Variants in NALCN observed in about 807,000 individuals in gnomAD.
NALCN encodes sodium leak channel NALCN.
Under a neutral mutation model 225.3 loss-of-function variants are expected in NALCN, and 111 were observed. The ratio of observed to expected loss-of-function variants is 0.49; its 90% CI spans 0.42 to 0.58. The LOEUF is 0.58. Among genes scored for constraint, NALCN ranks in the 20% least tolerant of loss-of-function variants. The pLI is 0.00. For synonymous variants in NALCN, 764 were observed against 769.0 expected (o/e 0.99, Z 0.11); for missense variants, 1,378 against 2,202.4 (o/e 0.63, Z 7.49).
intron 3 of NALCN, among the ~76,000 whole-genome samples, chr13:101,382,744 A>C (rs1464107985): frequency 6.6e-6 from 1 of 152,206 alleles, no homozygotes; most frequent in Non-Finnish European, 1.5e-5. Context: ...CAAAAATTCT[A>C]CCATGTAATG....
At chr13:101,375,873 G>A (rs2046674702) in intron 6 of NALCN, among the ~76,000 whole-genome samples, 1 of 151,962 alleles carries the variant, frequency 6.6e-6, no homozygotes, top group South Asian at 2.1e-4. Flanking sequence ...ACACCTAATG[G>A]GACACTTCTG....
At chr13:101,084,772 A>G (rs1448649958) in intron 30 of NALCN, among the ~76,000 whole-genome samples, 2 of 152,210 alleles carry the variant, frequency 1.3e-5, no homozygotes, top group Admixed American at 1.3e-4. Flanking sequence ...GCATCCATGT[A>G]CTGTCTCACA....
At chr13:101,247,310 T>C (rs764900060) in intron 11 of NALCN, among the ~76,000 whole-genome samples, 10 of 152,150 alleles carry the variant, frequency 6.6e-5, no homozygotes, top group Non-Finnish European at 1.5e-4. Context: ...TTATGGAATA[T>C]AGACTAGTGA....
At chr13:101,285,313 G>T (rs1015939751) in intron 9 of NALCN, among the ~76,000 whole-genome samples, 2 of 151,824 alleles carry the variant, frequency 1.3e-5, no homozygotes, top group Non-Finnish European at 2.9e-5. Context: ...ATTTATTTTT[G>T]GGGGGAGATA....
intron 11 of NALCN, among the ~76,000 whole-genome samples, chr13:101,252,068 T>G (rs533986725): frequency 2.0e-5 from 3 of 152,196 alleles, no homozygotes. Context: ...CTTTGATAAA[T>G]CATGTTATTG....
intron 3 of NALCN, among the ~76,000 whole-genome samples, chr13:101,385,608 A>C (rs1452640148): frequency 1.3e-5 from 2 of 152,222 alleles, no homozygotes; most frequent in Non-Finnish European, 2.9e-5. Flanking sequence ...ATTCTGCCAA[A>C]GGTATAGTGT....
intron 15 of NALCN, among the ~76,000 whole-genome samples, chr13:101,157,085 G>T (rs1379486935): frequency 1.3e-5 from 2 of 152,140 alleles, no homozygotes; most frequent in Non-Finnish European, 2.9e-5. Flanking sequence ...TCATGTCCCA[G>T]TAACAATCTA....
At chr13:101,095,435 C>A in intron 28 of NALCN, 139 bp downstream of exon 28, 2 of 612,004 alleles carry the variant, frequency 3.3e-6, no homozygotes, top group Admixed American at 3.5e-5. Flanking sequence ...TATAATCTAG[C>A]GCTTCGCCCT....
chr13:101,193,785 AT>A (rs768550327), intron 13 of NALCN, among the ~76,000 whole-genome samples: 2 of 151,846 alleles, frequency 1.3e-5, no homozygotes, highest in Non-Finnish European at 2.9e-5. Context: ...TTTTTCCTGT[AT>A]TTTTTTTCTC....
At position 101,273,817 on chromosome 13, in the gene NALCN, G is replaced by A. The variant is rs374358723; in HGVS notation, c.1134+10116C>T. ...GGAGAATGGCGTGAACCCAGGAGGC[G>A]GAGCTTTCAGTGAGCCAAGATCACG... On this transcript the variant is annotated intron_variant, in intron 10 of 43. Transcript: ENST00000251127. Among the ~76,000 whole-genome samples, 7 of 150,594 alleles carry A rather than the reference G, an allele frequency of 4.6e-5. No homozygotes were observed. The East Asian group carries it at 7.8e-4, about 17-fold the overall frequency.
intron 10 of NALCN, among the ~76,000 whole-genome samples, chr13:101,271,961 C>T (rs36231875): frequency 0.3 from 44,311 of 147,592 alleles, 7,368 homozygotes; most frequent in African/African-American, 0.47. Flanking sequence ...TGAGCATGTG[C>T]GTGTAGATAT....
chr13:101,282,482 T>C (rs998497477), intron 10 of NALCN, among the ~76,000 whole-genome samples: 34 of 152,138 alleles, frequency 2.2e-4, no homozygotes, highest in African/African-American at 8.2e-4. Context: ...GAGAGTAGGA[T>C]TGTGGTTACC....
At chr13:101,188,888 A>G (rs2139994542) in intron 14 of NALCN, among the ~76,000 whole-genome samples, 1 of 152,146 alleles carries the variant, frequency 6.6e-6, no homozygotes, top group Non-Finnish European at 1.5e-5. Context: ...GGGTTTCACC[A>G]TGTTGGCCAG....
intron 20 of NALCN, among the ~76,000 whole-genome samples, chr13:101,108,467 C>T (rs917011740): frequency 1.3e-4 from 20 of 152,184 alleles, no homozygotes; most frequent in Admixed American, 1.2e-3. Flanking sequence ...TTTAAAAAAT[C>T]ACAATGGGTG....
intron 6 of NALCN, among the ~76,000 whole-genome samples, chr13:101,360,597 C>A (rs199911177): frequency 6.6e-6 from 1 of 152,046 alleles, no homozygotes; most frequent in Non-Finnish European, 1.5e-5. Flanking sequence ...GATGTGAACA[C>A]GAAAAGTAAA....
rs576683443 is a variant in NALCN at position 101,179,215 on chromosome 13, C to A, written c.1765-2841G>T. Among the ~76,000 whole-genome samples the A allele has an allele frequency of 2.6e-5, 4 of 152,280 alleles. No individual in the cohort carries two copies. The East Asian group carries it at 5.8e-4, about 22-fold the overall frequency. ...GAGCTCAGGTAGCAAACAGGCTGTG[C>A]CAGCTATGAGCCACGTGGCAACTGC... On this transcript the variant is annotated intron_variant, in intron 14 of 43. Transcript: ENST00000251127.
At chr13:101,393,876 A>G (rs2047211693) in intron 3 of NALCN, among the ~76,000 whole-genome samples, 1 of 152,148 alleles carries the variant, frequency 6.6e-6, no homozygotes, top group South Asian at 2.1e-4. Flanking sequence ...GAAGAAACCA[A>G]CCATAAAAAA....
chr13:101,259,114 T>C (rs1489890482), intron 10 of NALCN, among the ~76,000 whole-genome samples: 1 of 152,144 alleles, frequency 6.6e-6, no homozygotes, highest in African/African-American at 2.4e-5. Context: ...ACTTGCTCTC[T>C]ACCTGGAGTT....
At chr13:101,393,719 A>C (rs1388560746) in intron 3 of NALCN, among the ~76,000 whole-genome samples, 1 of 152,196 alleles carries the variant, frequency 6.6e-6, no homozygotes, top group East Asian at 1.9e-4. Context: ...AGGCAGGAGA[A>C]TTGCTTGAAT....
Sources: allele counts gnomAD v4.1 joint callset (sites outside exome capture counted in the v4.1 genomes callset), GRCh38; gene constraint gnomAD v4.1.1; transcripts MANE v1.5; gene names NCBI Gene and HGNC (gene_info 2026-07-23, HGNC 2026-07-21).